CCDC169: variants seen among roughly 807,000 people sequenced by gnomAD.
CCDC169 encodes coiled-coil domain containing 169.
CCDC169 carries 30 observed loss-of-function variants against 36.0 expected under a neutral mutation model. That is an observed-to-expected ratio of 0.83 (90% CI 0.62 to 1.13). The LOEUF (loss-of-function observed/expected upper bound fraction) is 1.13. CCDC169 is among the 50% of genes most tolerant of loss of function. The pLI, the probability that CCDC169 is intolerant of heterozygous loss-of-function variation, is 0.00. For synonymous variants in CCDC169, 85 were observed against 81.5 expected, an observed-to-expected ratio of 1.04 and a Z score of -0.23; for missense variants, 245 against 245.9, an observed-to-expected ratio of 1.00 and a Z score of 0.03.
intron 2 of CCDC169, among the ~76,000 whole-genome samples, chr13:36,285,184 A>G (rs1401881117): frequency 6.6e-6 from 1 of 152,226 alleles, no homozygotes; most frequent in Non-Finnish European, 1.5e-5. Flanking sequence ...AGTACAGTTT[A>G]TAAATTTTGA....
intron 4 of CCDC169, among the ~76,000 whole-genome samples, chr13:36,261,628 A>G (rs1339160789): frequency 6.6e-6 from 1 of 152,200 alleles, no homozygotes; most frequent in Non-Finnish European, 1.5e-5. Context: ...GTTGATATCC[A>G]AGACTGGCAG....
intron 4 of CCDC169, among the ~76,000 whole-genome samples, chr13:36,265,622 A>G (rs565457901): frequency 2.6e-5 from 4 of 152,358 alleles, no homozygotes; most frequent in Admixed American, 2.6e-4. Flanking sequence ...TAATTATGGC[A>G]CTAATCGCTA....
intron 4 of CCDC169, among the ~76,000 whole-genome samples, chr13:36,269,287 G>A (rs1875739592): frequency 6.6e-6 from 1 of 152,022 alleles, no homozygotes; most frequent in Admixed American, 6.6e-5. Flanking sequence ...TTTAAAAGTT[G>A]CCAACAACAA....
chr13:36,255,418 C>T (rs961366942), intron 4 of CCDC169, among the ~76,000 whole-genome samples: 1 of 152,160 alleles, frequency 6.6e-6, no homozygotes, highest in African/African-American at 2.4e-5. Context: ...AATCCCAGCA[C>T]TTTGAGAGGC....
At chr13:36,248,459 CTTT>C (rs1331267546) in intron 7 of CCDC169, 144 bp downstream of exon 7, 4 of 652,796 alleles carry the variant, frequency 6.1e-6, no homozygotes, top group Non-Finnish European at 9.7e-6. Context: ...ATCACAACTT[CTTT>C]AAGTTCTCTT....
chr13:36,260,757 C>T (rs1455165742), intron 4 of CCDC169, among the ~76,000 whole-genome samples: 1 of 152,220 alleles, frequency 6.6e-6, no homozygotes, highest in South Asian at 2.1e-4. Context: ...ATCTCCTTTT[C>T]GTGATCATAT....
rs1217286029 is a variant in CCDC169 at position 36,231,076 on chromosome 13, T to C, written c.*117A>G. 1.4e-6 allele frequency: 2 copies of C among 1,428,686 alleles called. No individual in the cohort carries two copies. The highest frequency in any genetic ancestry group is 1.8e-6 in the Non-Finnish European group (2 of 1,095,020). The allele number at this position is 1,428,686 out of a possible 1,614,324, so 88.5% of individuals were successfully genotyped here. On this transcript the variant is annotated 3_prime_UTR_variant, in exon 8 of 8. Coordinates refer to ENST00000239859, the MANE Select transcript of CCDC169 (RefSeq NM_001144981.3). ...GTCTGGAAAAGGAACTAAAGAAAAA[T>C]GTGGCAGTTCTTATCTATTTTATTC...
At chr13:36,286,824 A>T (rs1418826549) in intron 2 of CCDC169, among the ~76,000 whole-genome samples, 1 of 152,122 alleles carries the variant, frequency 6.6e-6, no homozygotes, top group Non-Finnish European at 1.5e-5. Flanking sequence ...GGAGATAAAC[A>T]AGAGAGGTAG....
intron 2 of CCDC169, among the ~76,000 whole-genome samples, chr13:36,290,223 C>T (rs1350398351): frequency 6.6e-6 from 1 of 152,120 alleles, no homozygotes; most frequent in African/African-American, 2.4e-5. Flanking sequence ...TCATGAGACA[C>T]AGGGACACGC....
chr13:36,285,477 G>C (rs1878073414), intron 2 of CCDC169, among the ~76,000 whole-genome samples: 1 of 152,140 alleles, frequency 6.6e-6, no homozygotes, highest in South Asian at 2.1e-4. Flanking sequence ...TTGAACCCGG[G>C]AGGCAGAGGT....
intron 4 of CCDC169, among the ~76,000 whole-genome samples, chr13:36,273,923 C>T (rs994754287): frequency 1.3e-5 from 2 of 152,106 alleles, no homozygotes; most frequent in Non-Finnish European, 2.9e-5. Context: ...CAGCTCTGTG[C>T]GTGTTCATTC....
chr13:36,258,667 C>A (rs186321620), intron 4 of CCDC169, among the ~76,000 whole-genome samples: 1 of 152,270 alleles, frequency 6.6e-6, no homozygotes, highest in African/African-American at 2.4e-5. Flanking sequence ...AGCTGCCCAC[C>A]CCTTTCACGG....
chr13:36,295,838 T>C lies in CCDC169; in HGVS notation c.103A>G (p.Ile35Val). 5.2e-6 allele frequency: 8 copies of C among 1,541,054 alleles called. No homozygotes were observed. In the Middle Eastern group the frequency reaches 6.7e-4, roughly 129 times the overall value. The change falls in exon 2 of 8, where the codon ATA (isoleucine) becomes GTA (valine). Residue 35 changes from isoleucine to valine, a missense_variant. Ile to Val is a conservative substitution (Grantham distance 29). Coordinates refer to ENST00000239859, the MANE Select transcript of CCDC169 (RefSeq NM_001144981.3). ...VRKKDAVQLS[I>V]FELRHKITEL... ...GTAATCTTGTGTCTTAGTTCAAATA[T>C]TGAGAGTTGCACTGCATCCCTGTTA...
downstream of CCDC169, among the ~76,000 whole-genome samples, chr13:36,228,916 G>C (rs761629940): frequency 3.3e-5 from 5 of 152,232 alleles, no homozygotes; most frequent in Non-Finnish European, 5.9e-5. Flanking sequence ...TTCTCTACTT[G>C]TATATTCCTT....
intron 4 of CCDC169, among the ~76,000 whole-genome samples, chr13:36,254,785 T>A (rs187456160): frequency 2.6e-5 from 4 of 152,116 alleles, no homozygotes; most frequent in Non-Finnish European, 5.9e-5. Flanking sequence ...TAACAAGAGA[T>A]CAATCAAAAG....
intron 2 of CCDC169, among the ~76,000 whole-genome samples, chr13:36,294,660 C>G (rs1320499744): frequency 6.6e-6 from 1 of 152,124 alleles, no homozygotes; most frequent in African/African-American, 2.4e-5. Context: ...ATCAGCAAGA[C>G]TCACATCTCA....
At chr13:36,270,882 A>T (rs1005360257) in intron 4 of CCDC169, among the ~76,000 whole-genome samples, 7 of 152,250 alleles carry the variant, frequency 4.6e-5, no homozygotes, top group Non-Finnish European at 8.8e-5. Context: ...CATGACTAAG[A>T]TGCAAAAAGC....
intron 2 of CCDC169, 57 bp from the exon 3 acceptor site, chr13:36,283,759 T>C: frequency 7.8e-7 from 1 of 1,277,522 alleles, no homozygotes; most frequent in Middle Eastern, 1.9e-4. Context: ...CATTTATTCA[T>C]TAAAATAACA....
At chr13:36,232,393 G>A (rs1870532968) in intron 7 of CCDC169, among the ~76,000 whole-genome samples, 1 of 152,152 alleles carries the variant, frequency 6.6e-6, no homozygotes, top group South Asian at 2.1e-4. Context: ...CTTTTCCCTA[G>A]GGGCATTTGC....
Sources: allele counts gnomAD v4.1 joint callset (sites outside exome capture counted in the v4.1 genomes callset), GRCh38; gene constraint gnomAD v4.1.1; transcripts MANE v1.5; gene names NCBI Gene and HGNC (gene_info 2026-07-23, HGNC 2026-07-21).